The following PSMC1 variants were observed in gnomAD, a reference collection of about 807,000 sequenced individuals.
The protein encoded by PSMC1 is proteasome 26S subunit, ATPase 1.
Under a neutral mutation model 49.8 loss-of-function variants are expected in PSMC1, and 5 were observed. That is an observed-to-expected ratio of 0.10 (90% CI 0.05 to 0.21). The LOEUF is 0.21. Ranked by LOEUF, PSMC1 falls within the 10% of genes least tolerant of loss-of-function variation. The pLI is 1.00. For synonymous variants in PSMC1, 155 were observed against 192.1 expected, an observed-to-expected ratio of 0.81 and a Z score of 1.60; for missense variants, 181 against 535.7, an observed-to-expected ratio of 0.34 and a Z score of 6.54.
chr14:90,258,456 C>T (rs1452381516), intron 1 of PSMC1, among the ~76,000 whole-genome samples: 3 of 152,174 alleles, frequency 2.0e-5, no homozygotes, highest in African/African-American at 7.2e-5. Context: ...GTTCACTCAT[C>T]TTTATATTTG....
intron 9 of PSMC1, 84 bp downstream of exon 9, chr14:90,269,632 A>G: frequency 6.8e-7 from 1 of 1,470,066 alleles, no homozygotes; most frequent in Non-Finnish European, 9.2e-7. Flanking sequence ...CTATAAAATG[A>G]TACATAAAAA....
In PSMC1 at chr14:90,269,766, GTCTTT is replaced by G. The variant is rs1413232377; in HGVS notation, c.1033+226_1033+230del. The stretch of plus-strand genomic sequence containing the variant: ...CCTTTGAATTCCAGTCTTATGTCTT[GTCTTT>G]TCTTTTCCATAACATTCCCTTTTTA... On this transcript the variant is annotated intron_variant, in intron 9 of 10. Transcript: ENST00000261303. 9.7e-5 allele frequency: 44 copies of G among 454,928 alleles called. No individual in the cohort carries two copies. In the East Asian group the frequency reaches 1.4e-3, roughly 15 times the overall value. 28.2% of individuals were successfully genotyped at this position (454,928 alleles called of 1,614,324 possible).
At position 90,269,729 on chromosome 14, in the gene PSMC1, G is replaced by A. The variant is rs1891613380; in HGVS notation, c.1033+181G>A. The A allele has an allele frequency of 8.9e-6, 5 of 564,104 alleles. No homozygotes were observed. In the East Asian group the frequency reaches 1.5e-4, roughly 17 times the overall value. The allele number at this position is 564,104 out of a possible 1,614,324, so 34.9% of individuals were successfully genotyped here. A position where few individuals can be genotyped will look rare whatever the true frequency, so the allele number is the denominator to read the frequency against. ...GTTAAAACAGAGCATGATATGGTCT[G>A]TGCACCTTGGCCCTTTGAATTCCAG... On this transcript the variant is annotated intron_variant, in intron 9 of 10. Coordinates refer to ENST00000261303, the MANE Select transcript of PSMC1 (RefSeq NM_002802.3).
At chr14:90,265,569 G>A (rs1891490649) in intron 7 of PSMC1, among the ~76,000 whole-genome samples, 1 of 151,764 alleles carries the variant, frequency 6.6e-6, no homozygotes, top group Non-Finnish European at 1.5e-5. Context: ...TGCGCCTGTA[G>A]TCCCGGCTAC....
intron 1 of PSMC1, among the ~76,000 whole-genome samples, chr14:90,257,943 C>G (rs922877037): frequency 1.3e-5 from 2 of 152,212 alleles, no homozygotes; most frequent in East Asian, 1.9e-4. Context: ...GTACCAAGTA[C>G]TTTTCCAGCA....
intron 3 of PSMC1, 21 bp from the exon 4 acceptor site, chr14:90,263,297 A>C: frequency 6.3e-7 from 1 of 1,579,990 alleles, no homozygotes. Context: ...CATATAATGA[A>C]ACTTTATATT....
intron 9 of PSMC1, 109 bp from the exon 10 acceptor site, chr14:90,270,089 T>G (rs1891622888): frequency 8.5e-7 from 1 of 1,176,864 alleles, no homozygotes; most frequent in Non-Finnish European, 1.2e-6. Flanking sequence ...TCCCACAGAA[T>G]TCTGTCCGAC....
chr14:90,261,109 A>G (rs1891388988), intron 3 of PSMC1, among the ~76,000 whole-genome samples: 1 of 152,132 alleles, frequency 6.6e-6, no homozygotes, highest in South Asian at 2.1e-4. Context: ...CTCCGACCTC[A>G]GCCCTGCCAC....
chr14:90,260,461 G>C (rs1285947187), intron 3 of PSMC1, among the ~76,000 whole-genome samples: 2 of 152,360 alleles, frequency 1.3e-5, no homozygotes, highest in East Asian at 3.9e-4. Flanking sequence ...GCGGGGTGCG[G>C]TGGTTCACGC....
chr14:90,266,512 G>T (rs926037876), intron 7 of PSMC1, among the ~76,000 whole-genome samples: 1 of 152,214 alleles, frequency 6.6e-6, no homozygotes, highest in Non-Finnish European at 1.5e-5. Context: ...TTATGTTTCA[G>T]AATGGCCGGT....
At position 90,274,164 on chromosome 14, in the gene PSMC1, G is replaced by C. The variant is rs1430419940; in HGVS notation, c.*1757G>C. The C allele has an allele frequency of 2.6e-5, 4 of 155,266 alleles. No homozygotes were observed. The highest frequency in any genetic ancestry group is 7.2e-5 in the African/African-American group (3 of 41,488). 9.6% of individuals were successfully genotyped at this position (155,266 alleles called of 1,614,324 possible). ...GGGAGGGCGGGTGTCAGCCCAAGTA[G>C]GGTGTGGAGCTGTCCATGTGGAGGA... On this transcript the variant is annotated 3_prime_UTR_variant, in exon 11 of 11. Coordinates refer to ENST00000261303, the MANE Select transcript of PSMC1 (RefSeq NM_002802.3).
At position 90,260,220 on chromosome 14, in the gene PSMC1, A is replaced by G. The variant is rs567100511; in HGVS notation, c.154+9A>G. ...CAGCAAACTGCCACTGGGTAATGAC[A>G]TGGCTTCTCCTTGCCATCTTTCCAG... is the stretch of plus-strand genomic sequence containing the variant. On this transcript the variant is annotated intron_variant, in intron 3 of 10. Coordinates refer to ENST00000261303, the MANE Select transcript of PSMC1 (RefSeq NM_002802.3). 149 of 1,580,128 alleles carry G rather than the reference A, an allele frequency of 9.4e-5. 2 individuals carry two copies. In the South Asian group the frequency reaches 1.6e-3, roughly 17 times the overall value.
At chr14:90,264,612 T>C (rs1037606836) in intron 6 of PSMC1, among the ~76,000 whole-genome samples, 3 of 152,146 alleles carry the variant, frequency 2.0e-5, no homozygotes, top group African/African-American at 4.8e-5. Context: ...AGGATGGCCG[T>C]CGGCTCTCTG....
chr14:90,270,386 A>T (rs1210242943), intron 10 of PSMC1, 34 bp downstream of exon 10: 1 of 1,596,642 alleles, frequency 6.3e-7, no homozygotes, highest in Admixed American at 1.7e-5. Flanking sequence ...TATTTCTGGG[A>T]ATGTGGCCGT....
intron 10 of PSMC1, 73 bp downstream of exon 10, chr14:90,270,425 T>C (rs1891631431): frequency 3.3e-6 from 5 of 1,506,060 alleles, no homozygotes; most frequent in Non-Finnish European, 1.8e-6. Context: ...TATGTGCTCT[T>C]GGGATGGTGG....
chr14:90,265,274 G>C (rs1891482427), intron 7 of PSMC1, 108 bp downstream of exon 7: 1 of 683,824 alleles, frequency 1.5e-6, no homozygotes. Context: ...CAATTCCTTA[G>C]TTTAAAACAG....
chr14:90,272,733 G>A lies in PSMC1; in HGVS notation c.*326G>A, dbSNP rs1302660065. 4.7e-6 allele frequency: 1 copy of A among 214,950 alleles called. No individual in the cohort carries two copies. The highest frequency in any genetic ancestry group is 9.4e-6 in the Non-Finnish European group (1 of 106,454). The allele number at this position is 214,950 out of a possible 1,614,324, so 13.3% of individuals were successfully genotyped here. A position where few individuals can be genotyped will look rare whatever the true frequency, so the allele number is the denominator to read the frequency against. ...CAGGAACTCAGGCTGCGGTCCCAAG[G>A]AGTGTGGACCTCACTATGCGTTCGC... On this transcript the variant is annotated 3_prime_UTR_variant, in exon 11 of 11. Coordinates refer to ENST00000261303, the MANE Select transcript of PSMC1 (RefSeq NM_002802.3). The surrounding 1 kb of genome is among the most constrained non-coding windows in gnomAD (Gnocchi z 4.5).
chr14:90,264,289 G>C, intron 6 of PSMC1, 120 bp downstream of exon 6: 2 of 1,369,650 alleles, frequency 1.5e-6, no homozygotes, highest in Non-Finnish European at 2.0e-6. Context: ...AGCTGAGTCA[G>C]AGCTTGCCAG....
chr14:90,260,605 G>C (rs922422334), intron 3 of PSMC1, among the ~76,000 whole-genome samples: 6 of 152,162 alleles, frequency 3.9e-5, no homozygotes, highest in African/African-American at 1.4e-4. Flanking sequence ...GGTGGCGGGT[G>C]CCTGTAGTCC....
Sources: gnomAD v4.1 joint callset for allele counts (sites outside exome capture counted in the v4.1 genomes callset) on GRCh38, gnomAD v4.1.1 for gene constraint, Gnocchi (gnomAD v3.1) non-coding constraint, MANE v1.5 for transcripts, NCBI Gene and HGNC (gene_info 2026-07-23, HGNC 2026-07-21) for gene names.